NMNAT2: variants seen among roughly 807,000 people sequenced by gnomAD.
NMNAT2 encodes nicotinamide/nicotinic acid mononucleotide adenylyltransferase 2.
A neutral mutation model predicts 41.6 loss-of-function variants in NMNAT2; 11 were observed. That is an observed-to-expected ratio of 0.26 (90% CI 0.17 to 0.44). The LOEUF (loss-of-function observed/expected upper bound fraction) is 0.44, where lower values mean the gene tolerates loss of function less well. Ranked by LOEUF, NMNAT2 falls within the 20% of genes least tolerant of loss-of-function variation. The pLI is 1.00. For missense variants in NMNAT2, 288 were observed against 407.7 expected (o/e 0.71, Z 2.53); for synonymous variants, 148 against 151.2 (o/e 0.98, Z 0.16).
chr1:183,362,590 G>T (rs538190178), intron 1 of NMNAT2, among the ~76,000 whole-genome samples: 1 of 152,154 alleles, frequency 6.6e-6, no homozygotes, highest in Non-Finnish European at 1.5e-5. Flanking sequence ...CCATGTTGTA[G>T]TATGTATCAA....
chr1:183,366,927 G>C (rs1012968603), intron 1 of NMNAT2, among the ~76,000 whole-genome samples: 2 of 152,084 alleles, frequency 1.3e-5, no homozygotes, highest in Non-Finnish European at 2.9e-5. Flanking sequence ...TTCACTGGGG[G>C]TATCTTTATC....
At chr1:183,381,869 T>C (rs1015023587) in intron 1 of NMNAT2, among the ~76,000 whole-genome samples, 1 of 152,092 alleles carries the variant, frequency 6.6e-6, no homozygotes, top group Non-Finnish European at 1.5e-5. Flanking sequence ...GATGAGAAAA[T>C]CAAAGCAGAG....
At position 183,343,882 on chromosome 1, in the gene NMNAT2, T is replaced by C. The variant is rs546006593; in HGVS notation, c.86-50089A>G. Reference sequence around the variant, plus strand: ...TTCAGGATGGGGCCTCACCTCCCTATCCAGCCTCTTATCCTGCTGGCCCCT... The same window carrying C: ...TTCAGGATGGGGCCTCACCTCCCTACCCAGCCTCTTATCCTGCTGGCCCCT... On this transcript the variant is annotated intron_variant, in intron 1 of 10. Coordinates refer to ENST00000287713, the MANE Select transcript of NMNAT2 (RefSeq NM_015039.4). 4.6e-5 allele frequency among the ~76,000 whole-genome samples: 7 copies of C among 152,268 alleles called. No homozygotes were observed. The South Asian group carries it at 1.5e-3, about 32-fold the overall frequency.
intron 1 of NMNAT2, among the ~76,000 whole-genome samples, chr1:183,389,431 G>A (rs1481816052): frequency 1.3e-5 from 2 of 152,020 alleles, no homozygotes; most frequent in Non-Finnish European, 2.9e-5. Flanking sequence ...TTTTGTAGTT[G>A]CCTTATCTCA....
At chr1:183,310,705 C>A (rs1179403843) in intron 1 of NMNAT2, among the ~76,000 whole-genome samples, 2 of 152,196 alleles carry the variant, frequency 1.3e-5, no homozygotes, top group East Asian at 1.9e-4. Context: ...GACAGCCCCA[C>A]AACAAAGAAT....
intron 4 of NMNAT2, among the ~76,000 whole-genome samples, chr1:183,287,453 C>T (rs758287751): frequency 1.4e-4 from 21 of 152,158 alleles, no homozygotes; most frequent in African/African-American, 4.1e-4. Context: ...AGCACTCTCT[C>T]GCCTGCTCAG....
chr1:183,285,512 A>G (rs905925924), intron 5 of NMNAT2, among the ~76,000 whole-genome samples: 2 of 152,164 alleles, frequency 1.3e-5, no homozygotes, highest in South Asian at 4.1e-4. Flanking sequence ...TGAGCCCCCC[A>G]CATGTAGCTG....
intron 1 of NMNAT2, among the ~76,000 whole-genome samples, chr1:183,315,828 T>C (rs1205313938): frequency 6.7e-6 from 1 of 148,976 alleles, no homozygotes; most frequent in Non-Finnish European, 1.5e-5. Flanking sequence ...GACAGGTTGA[T>C]GGGTGCAGCA....
intron 8 of NMNAT2, among the ~76,000 whole-genome samples, chr1:183,269,204 C>A (rs531361537): frequency 6.6e-6 from 1 of 152,250 alleles, no homozygotes; most frequent in Non-Finnish European, 1.5e-5. Context: ...GAAGAGGATT[C>A]CCAATGAGGC....
chr1:183,342,941 G>A (rs780169857), intron 1 of NMNAT2, among the ~76,000 whole-genome samples: 1 of 151,554 alleles, frequency 6.6e-6, no homozygotes, highest in Non-Finnish European at 1.5e-5. Flanking sequence ...TTGTAGAGAT[G>A]GGGTCTTGCT....
rs139461238 is a variant in NMNAT2, at chr1:183,325,103, A to G, written c.86-31310T>C. Among the ~76,000 whole-genome samples, 371 of 152,308 alleles carry G rather than the reference A, an allele frequency of 2.4e-3. 1 individual carries two copies. The highest frequency in any genetic ancestry group is 3.8e-3 in the Non-Finnish European group (261 of 68,032). On this transcript the variant is annotated intron_variant, in intron 1 of 10. Coordinates refer to ENST00000287713, the MANE Select transcript of NMNAT2 (RefSeq NM_015039.4). ...AGTATGTGACTGGGGGCCCTGGCCC[A>G]GGGTTTCCCATTTTGCCAATATCCA...
intron 8 of NMNAT2, among the ~76,000 whole-genome samples, chr1:183,277,512 CAAAAAAAAAAAA>C (rs759856572): frequency 8.4e-5 from 4 of 47,724 alleles, no homozygotes; most frequent in South Asian, 7.1e-4. Flanking sequence ...GACTCCGTCT[CAAAAAAAAAAAA>C]AAAAAAAAAA....
intron 1 of NMNAT2, among the ~76,000 whole-genome samples, chr1:183,335,243 C>T (rs1405225864): frequency 6.6e-6 from 1 of 152,204 alleles, no homozygotes; most frequent in Non-Finnish European, 1.5e-5. Context: ...TTAACAGCAA[C>T]ACCATCTACT....
At chr1:183,389,376 G>T (rs1428135759) in intron 1 of NMNAT2, among the ~76,000 whole-genome samples, 1 of 152,062 alleles carries the variant, frequency 6.6e-6, no homozygotes, top group Non-Finnish European at 1.5e-5. Context: ...ATTTTTATTT[G>T]TTTTGTCACA....
In NMNAT2 at chr1:183,350,793, T is replaced by C. The variant is rs371340063; in HGVS notation, c.86-57000A>G. Reference sequence around the variant, plus strand: ...AATCTTCACAAACAGCCCTTCTGAGTAGGCATTGTTTTCTCTCTTTTATAG... The same window carrying C: ...AATCTTCACAAACAGCCCTTCTGAGCAGGCATTGTTTTCTCTCTTTTATAG... On this transcript the variant is annotated intron_variant, in intron 1 of 10. Transcript: ENST00000287713. Among the ~76,000 whole-genome samples the C allele has an allele frequency of 1.6e-4, 24 of 152,326 alleles. No homozygotes were observed. In the East Asian group the frequency reaches 4.4e-3, roughly 28 times the overall value.
chr1:183,325,734 TA>T (rs1445986776), intron 1 of NMNAT2, among the ~76,000 whole-genome samples: 1 of 152,214 alleles, frequency 6.6e-6, no homozygotes, highest in Admixed American at 6.5e-5. Flanking sequence ...GAAAGAGCCA[TA>T]ACCTTTTCTC....
intron 1 of NMNAT2, among the ~76,000 whole-genome samples, chr1:183,343,198 C>T (rs76436457): frequency 0.09 from 13,718 of 152,158 alleles, 685 homozygotes; most frequent in Middle Eastern, 0.15. Flanking sequence ...ATCACCAAGC[C>T]GTGTACTGGT....
intron 8 of NMNAT2, among the ~76,000 whole-genome samples, chr1:183,266,178 G>A (rs1660809172): frequency 6.6e-6 from 1 of 152,150 alleles, no homozygotes; most frequent in South Asian, 2.1e-4. Context: ...GAATACATAT[G>A]TGTTATCCTA....
chr1:183,304,301 A>G (rs1361274060), intron 1 of NMNAT2, among the ~76,000 whole-genome samples: 1 of 152,250 alleles, frequency 6.6e-6, no homozygotes, highest in Non-Finnish European at 1.5e-5. Flanking sequence ...GAAAGATGTA[A>G]GTAGAAGAAG....
Sources: gnomAD v4.1 joint callset for allele counts (sites outside exome capture counted in the v4.1 genomes callset) on GRCh38, gnomAD v4.1.1 for gene constraint, MANE v1.5 for transcripts, NCBI Gene and HGNC (gene_info 2026-07-23, HGNC 2026-07-21) for gene names.